Variants in EBAG9 observed in about 807,000 individuals in gnomAD.
EBAG9 encodes the protein receptor-binding cancer antigen expressed on SiSo cells.
Under a neutral mutation model 30.9 loss-of-function variants are expected in EBAG9, and 16 were observed. That is an observed-to-expected ratio of 0.52 (90% CI 0.35 to 0.79). EBAG9 has a LOEUF of 0.79. EBAG9 is among the 30% of genes least tolerant of loss of function. The pLI is 0.01. For synonymous variants in EBAG9, 93 were observed against 82.8 expected (o/e 1.12, Z -0.67); for missense variants, 197 against 242.1 (o/e 0.81, Z 1.24).
At position 109,554,872 on chromosome 8, in the gene EBAG9, T is replaced by C; in HGVS notation, c.306T>C (p.Ile102=). Residue 102 remains isoleucine, a synonymous_variant, in exon 4 of 7, where the codon ATT becomes ATC. Coordinates refer to ENST00000337573, the MANE Select transcript of EBAG9 (RefSeq NM_004215.5). The part of the protein sequence containing the change: ...PDYFKDMTPT[I]RKTQKIVIKK... ...ATTTTAAGGACATGACACCAACTATTAGGAAAACTCAGAAAGTATGTTAAG... is the reference window on the plus strand; with the variant it reads ...ATTTTAAGGACATGACACCAACTATCAGGAAAACTCAGAAAGTATGTTAAG... 6.2e-7 allele frequency: 1 copy of C among 1,613,322 alleles called. No homozygotes were observed. The highest frequency in any genetic ancestry group is 1.7e-5 in the Admixed American group (1 of 59,900).
chr8:109,553,762 A>C, intron 2 of EBAG9, 103 bp from the exon 3 acceptor site: 2 of 843,186 alleles, frequency 2.4e-6, no homozygotes, highest in Non-Finnish European at 3.6e-6. Flanking sequence ...CATAAAATTG[A>C]GAAAGATCTT....
chr8:109,561,990 T>G (rs192425254), intron 6 of EBAG9, among the ~76,000 whole-genome samples: 34 of 151,654 alleles, frequency 2.2e-4, no homozygotes, highest in African/African-American at 7.3e-4. Context: ...ATTTAATCAG[T>G]ATAGCTTATC....
At chr8:109,560,686 A>G (rs1821692634) in intron 5 of EBAG9, 152 bp from the exon 6 acceptor site, 2 of 534,556 alleles carry the variant, frequency 3.7e-6, no homozygotes, top group African/African-American at 3.9e-5. Context: ...AAGCAAAATC[A>G]TCTGTGCCTT....
At chr8:109,549,960 A>G (rs1198434428) in intron 1 of EBAG9, among the ~76,000 whole-genome samples, 1 of 151,940 alleles carries the variant, frequency 6.6e-6, no homozygotes, top group Non-Finnish European at 1.5e-5. Context: ...TTTAAAATGC[A>G]TTTCTCATTG....
At chr8:109,559,017 C>G (rs916236349) in intron 5 of EBAG9, among the ~76,000 whole-genome samples, 2 of 138,880 alleles carry the variant, frequency 1.4e-5, no homozygotes, top group Admixed American at 7.5e-5. Context: ...TTAATGGTCT[C>G]TATAGTTTTA....
At chr8:109,558,206 G>C (rs1365282667) in intron 5 of EBAG9, among the ~76,000 whole-genome samples, 1 of 152,108 alleles carries the variant, frequency 6.6e-6, no homozygotes, top group Admixed American at 6.5e-5. Context: ...CCATGTATAT[G>C]TATGTTTTTA....
chr8:109,563,617 T>G (rs1586696769), intron 6 of EBAG9: 4 of 1,379,854 alleles, frequency 2.9e-6, no homozygotes, highest in East Asian at 4.8e-5. Flanking sequence ...GGGGGACATG[T>G]GCAGGATGTG....
At chr8:109,559,500 G>C (rs1821669630) in intron 5 of EBAG9, among the ~76,000 whole-genome samples, 2 of 152,156 alleles carry the variant, frequency 1.3e-5, no homozygotes, top group South Asian at 4.1e-4. Flanking sequence ...TTTAAATCTT[G>C]TCAAATTAGT....
intron 1 of EBAG9, among the ~76,000 whole-genome samples, chr8:109,546,059 G>A (rs1044304632): frequency 2.6e-5 from 4 of 152,204 alleles, no homozygotes; most frequent in Admixed American, 2.0e-4. Context: ...TGTGAAATCA[G>A]ATTTCTGTTT....
chr8:109,554,272 A>T (rs1418930788), intron 3 of EBAG9, among the ~76,000 whole-genome samples: 1 of 152,160 alleles, frequency 6.6e-6, no homozygotes, highest in Non-Finnish European at 1.5e-5. Flanking sequence ...TTGCAAATTT[A>T]GATGTATTGT....
Position 109,560,724 on chromosome 8 carries a change from A to C in EBAG9, c.430-114A>C, listed in dbSNP as rs536862110. On this transcript the variant is annotated intron_variant, in intron 5 of 6. Transcript: ENST00000337573. ...ATAGGACAGGGTAAGGAAGCTGAGA[A>C]GACATAGGAGAATGACAGGTTCTGA... 5 of 719,482 alleles carry C rather than the reference A, an allele frequency of 6.9e-6. No homozygotes were observed. The East Asian group carries it at 1.4e-4, about 20-fold the overall frequency. 44.6% of individuals were successfully genotyped at this position (719,482 alleles called of 1,614,324 possible). A position where few individuals can be genotyped will look rare whatever the true frequency, so the allele number is the denominator to read the frequency against.
In EBAG9 at chr8:109,554,719, T is replaced by C; in HGVS notation, c.163-10T>C. ...CTTTGTGGCTGATAATGTTGATCAATTAAATTTAGACAGATGTTGAAGAGT... is the reference window on the plus strand; with the variant it reads ...CTTTGTGGCTGATAATGTTGATCAACTAAATTTAGACAGATGTTGAAGAGT... On this transcript the variant is annotated splice_polypyrimidine_tract_variant and intron_variant, in intron 3 of 6. Coordinates refer to ENST00000337573, the MANE Select transcript of EBAG9 (RefSeq NM_004215.5). 6.2e-7 allele frequency: 1 copy of C among 1,609,644 alleles called. No individual in the cohort carries two copies. The highest frequency in any genetic ancestry group is 8.5e-7 in the Non-Finnish European group (1 of 1,177,702).
intron 6 of EBAG9, among the ~76,000 whole-genome samples, chr8:109,563,759 G>A (rs1038106845): frequency 2.6e-5 from 4 of 151,780 alleles, no homozygotes; most frequent in Admixed American, 6.6e-5. Flanking sequence ...CAGCCTTTCC[G>A]GTAGGCCCCA....
chr8:109,559,283 C>G (rs1023527929), intron 5 of EBAG9, among the ~76,000 whole-genome samples: 1 of 151,952 alleles, frequency 6.6e-6, no homozygotes, highest in Non-Finnish European at 1.5e-5. Flanking sequence ...ATGGCGAAAT[C>G]CCCCCTCTAC....
intron 1 of EBAG9, among the ~76,000 whole-genome samples, chr8:109,545,603 T>C (rs1293838610): frequency 2.0e-5 from 3 of 152,030 alleles, no homozygotes; most frequent in Admixed American, 1.3e-4. Flanking sequence ...GACCTCGTGA[T>C]CTGCCCGCCT....
At chr8:109,548,813 A>G (rs1256177155) in intron 1 of EBAG9, among the ~76,000 whole-genome samples, 1 of 151,390 alleles carries the variant, frequency 6.6e-6, no homozygotes, top group African/African-American at 2.4e-5. Flanking sequence ...AATTTTCCAC[A>G]TAGAATATCA....
intron 6 of EBAG9, chr8:109,563,577 C>CTTT: frequency 2.2e-5 from 30 of 1,349,494 alleles, no homozygotes; most frequent in South Asian, 6.4e-5. Context: ...ACCTACCACT[C>CTTT]TTTTTTTTTT....
chr8:109,557,512 C>T (rs757039216), intron 5 of EBAG9, among the ~76,000 whole-genome samples: 1 of 152,154 alleles, frequency 6.6e-6, no homozygotes. Flanking sequence ...TCAGAATCAG[C>T]TTTGGAGGTT....
chr8:109,554,343 C>A (rs907905509), intron 3 of EBAG9, among the ~76,000 whole-genome samples: 12 of 152,150 alleles, frequency 7.9e-5, no homozygotes, highest in African/African-American at 2.9e-4. Flanking sequence ...TGTTTTGAGA[C>A]TTCATCTTAT....
Sources: allele counts gnomAD v4.1 joint callset (sites outside exome capture counted in the v4.1 genomes callset), GRCh38; gene constraint gnomAD v4.1.1; transcripts MANE v1.5; gene names NCBI Gene and HGNC (gene_info 2026-07-23, HGNC 2026-07-21).